Variants in RHBDF2 observed in about 807,000 individuals in gnomAD.
RHBDF2 encodes inactive rhomboid protein 2.
Under a neutral mutation model 95.2 loss-of-function variants are expected in RHBDF2, and 38 were observed. The ratio of observed to expected loss-of-function variants is 0.40; its 90% CI spans 0.31 to 0.52. The LOEUF (loss-of-function observed/expected upper bound fraction) is 0.52. Among genes scored for constraint, RHBDF2 ranks in the 20% least tolerant of loss-of-function variants. The pLI, the probability that RHBDF2 is intolerant of heterozygous loss-of-function variation, is 0.56. For synonymous variants in RHBDF2, 442 were observed against 462.0 expected, an observed-to-expected ratio of 0.96 and a Z score of 0.55; for missense variants, 863 against 1,137.7, an observed-to-expected ratio of 0.76 and a Z score of 3.47.
chr17:76,496,299 G>A (rs1391078546), intron 1 of RHBDF2, among the ~76,000 whole-genome samples: 1 of 152,220 alleles, frequency 6.6e-6, no homozygotes, highest in Non-Finnish European at 1.5e-5. Flanking sequence ...CCCCACAGGG[G>A]ACAGATCTCT....
chr17:76,479,490 C>A (rs1467967943), intron 4 of RHBDF2: 4 of 798,964 alleles, frequency 5.0e-6, no homozygotes, highest in African/African-American at 3.4e-5. Context: ...GCCCCAGGCA[C>A]CCCCACACTG....
chr17:76,483,536 C>T (rs1369518187), intron 2 of RHBDF2, among the ~76,000 whole-genome samples: 1 of 152,184 alleles, frequency 6.6e-6, no homozygotes, highest in East Asian at 1.9e-4. Flanking sequence ...CCACCTGCCT[C>T]GGCCTCCCAA....
chr17:76,474,573 C>A (rs2073703648), intron 11 of RHBDF2, 39 bp from the exon 12 acceptor site: 1 of 1,612,262 alleles, frequency 6.2e-7, no homozygotes, highest in Admixed American at 1.7e-5. Flanking sequence ...TGAGTTTGAG[C>A]CCCAGACCTG....
At chr17:76,495,726 G>T (rs2074413779) in intron 1 of RHBDF2, among the ~76,000 whole-genome samples, 1 of 152,184 alleles carries the variant, frequency 6.6e-6, no homozygotes, top group African/African-American at 2.4e-5. Context: ...CACTCAGAGC[G>T]CTTCTGGAGG....
In RHBDF2 at chr17:76,481,495, G is replaced by C. The variant is rs1486735875; in HGVS notation, c.30C>G (p.Ser10Arg). ...GGCGGCTGCTGGACACAGAGGACAC[G>C]CTCCCGCCATTCTTGTCAGCAGAGG... MASADKNGG[S>R]VSSVSSSRLQ... Residue 10 changes from serine (S) to arginine (R), a missense_variant, in exon 3 of 19, where the codon AGC (serine) becomes AGG (arginine). Ser to Arg is a moderately radical substitution (Grantham distance 110). Around this residue, in one of 2 missense-constraint regions of RHBDF2, gnomAD observed 611 missense variants for 725.5 expected, o/e 0.84. Coordinates refer to ENST00000675367, the MANE Select transcript of RHBDF2 (RefSeq NM_001005498.4). The C allele has an allele frequency of 1.9e-6, 3 of 1,603,566 alleles. No homozygotes were observed. Among genetic ancestry groups the C allele is most frequent in the East Asian group, 2.2e-5 (1 of 44,698 alleles).
intron 1 of RHBDF2, among the ~76,000 whole-genome samples, chr17:76,488,896 C>T (rs916336297): frequency 6.6e-6 from 1 of 151,878 alleles, no homozygotes; most frequent in Non-Finnish European, 1.5e-5. Context: ...TGCAGTGAGC[C>T]AAGATCGCGC....
chr17:76,498,050 G>A (rs1487877121), intron 1 of RHBDF2, among the ~76,000 whole-genome samples: 4 of 152,184 alleles, frequency 2.6e-5, no homozygotes, highest in South Asian at 2.1e-4. Context: ...AGGAGGGGCC[G>A]TGGACACGGT....
intron 4 of RHBDF2, 115 bp downstream of exon 4, chr17:76,479,618 C>T: frequency 1.3e-6 from 1 of 792,018 alleles, no homozygotes; most frequent in East Asian, 2.5e-5. Flanking sequence ...CTCATTAATG[C>T]CGGCCTCCTC....
At chr17:76,483,729 C>T (rs574086389) in intron 2 of RHBDF2, among the ~76,000 whole-genome samples, 2 of 152,332 alleles carry the variant, frequency 1.3e-5, no homozygotes, top group South Asian at 2.1e-4. Context: ...CCCTTGCATA[C>T]ACCGCGTGTG....
intron 10 of RHBDF2, 107 bp downstream of exon 10, chr17:76,474,923 C>T (rs1013767199): frequency 6.7e-7 from 1 of 1,500,598 alleles, no homozygotes; most frequent in Non-Finnish European, 9.1e-7. Context: ...TGGTGAGCAC[C>T]ACCCTGCTGG....
At position 76,484,443 on chromosome 17, in the gene RHBDF2, C is replaced by T. The variant is rs73365303; in HGVS notation, c.-21-2898G>A. ...GGGCTGAGGCGTGGCATGCACGGGT[C>T]GGCGAGACAGCAGCCATCTGAACCT... On this transcript the variant is annotated intron_variant, in intron 2 of 18. Coordinates refer to ENST00000675367, the MANE Select transcript of RHBDF2 (RefSeq NM_001005498.4). Among the ~76,000 whole-genome samples the T allele has an allele frequency of 6.7e-3, 1,024 of 151,976 alleles. 4 individuals carry two copies. The highest frequency in any genetic ancestry group is 0.023 in the African/African-American group (956 of 41,438).
chr17:76,501,097 G>T (rs1270264064), intron 1 of RHBDF2: 2 of 152,254 alleles, frequency 1.3e-5, no homozygotes, highest in African/African-American at 4.8e-5. Context: ...GACCCCTTAG[G>T]CGTCCTGTCC....
At chr17:76,493,117 G>C (rs2074346465) in intron 1 of RHBDF2, 1 of 152,238 alleles carries the variant, frequency 6.6e-6, no homozygotes, top group South Asian at 2.1e-4. Context: ...GGAGGCTTGG[G>C]GCCACGTCTT....
chr17:76,495,968 C>T (rs1276129733), intron 1 of RHBDF2, among the ~76,000 whole-genome samples: 1 of 152,162 alleles, frequency 6.6e-6, no homozygotes, highest in Non-Finnish European at 1.5e-5. Context: ...TGCAAAGCCA[C>T]GTGCTTATGG....
rs2073792074 is a variant in RHBDF2 at position 76,476,967 on chromosome 17, G to C, written c.978C>G (p.Ser326=). 4.3e-6 allele frequency: 7 copies of C among 1,614,000 alleles called. No homozygotes were observed. The East Asian group carries it at 1.6e-4, about 36-fold the overall frequency. The change falls in exon 9 of 19, where the codon TCC becomes TCG. Residue 326 remains serine, a synonymous_variant. Coordinates refer to ENST00000675367, the MANE Select transcript of RHBDF2 (RefSeq NM_001005498.4). ...PGPRRGKRIA[S]KVKHFAFDRK... is the part of the protein sequence containing the mutation. ...GATCAAAGGCAAAGTGCTTCACCTT[G>C]GAGGCGATGCGCTTGCCGCGCCGGG... is the stretch of plus-strand genomic sequence containing the variant.
In RHBDF2 at chr17:76,477,756, C is replaced by T. The variant is rs1230758107; in HGVS notation, c.702G>A (p.Gln234=). 1 of 1,613,130 alleles carries T rather than the reference C, an allele frequency of 6.2e-7. No homozygotes were observed. Among genetic ancestry groups the T allele is most frequent in the Non-Finnish European group, 8.5e-7 (1 of 1,179,998 alleles). Residue 234 remains glutamine (Q), a synonymous_variant, in exon 7 of 19, where the codon CAG becomes CAA. Transcript: ENST00000675367. Reference sequence around the variant, plus strand: ...AGCTGCGCTTGACCACCCGGCACCGCTGTCCGGTGGCATCCAGCACCGAGC... The same window carrying T: ...AGCTGCGCTTGACCACCCGGCACCGTTGTCCGGTGGCATCCAGCACCGAGC... The part of the protein sequence containing the change: ...KGRSVLDATG[Q]RCRVVKRSFA...
intron 2 of RHBDF2, 27 bp from the exon 3 acceptor site, chr17:76,481,572 G>C: frequency 6.3e-7 from 1 of 1,585,334 alleles, no homozygotes; most frequent in Non-Finnish European, 8.5e-7. Flanking sequence ...GAGAGCAGCG[G>C]TGGGCGGTGC....
intron 1 of RHBDF2, among the ~76,000 whole-genome samples, chr17:76,497,376 C>T (rs1311709561): frequency 6.6e-6 from 1 of 152,192 alleles, no homozygotes; most frequent in Admixed American, 6.5e-5. Context: ...GTCAGCAGTT[C>T]ATGCCCAGAT....
rs1486735875 is a variant in RHBDF2 at position 76,481,495 on chromosome 17, G to A, written c.30C>T (p.Ser10=). MASADKNGG[S]VSSVSSSRLQ... ...GGCGGCTGCTGGACACAGAGGACAC[G>A]CTCCCGCCATTCTTGTCAGCAGAGG... The change falls in exon 3 of 19, where the codon AGC becomes AGT. Residue 10 remains serine (S), a synonymous_variant. Coordinates refer to ENST00000675367, the MANE Select transcript of RHBDF2 (RefSeq NM_001005498.4). 4 of 1,603,566 alleles carry A rather than the reference G, an allele frequency of 2.5e-6. No homozygotes were observed. The highest frequency in any genetic ancestry group is 1.3e-5 in the African/African-American group (1 of 74,872).
Sources: gnomAD v4.1 joint callset for allele counts (sites outside exome capture counted in the v4.1 genomes callset) on GRCh38, gnomAD v4.1.1 for gene constraint, gnomAD v4.1.1 regional missense constraint, MANE v1.5 for transcripts, NCBI Gene and HGNC (gene_info 2026-07-23, HGNC 2026-07-21) for gene names.